Variants in TJP1 observed in about 807,000 individuals in gnomAD.
TJP1 encodes the protein tight junction protein ZO-1.
TJP1 carries 43 observed loss-of-function variants against 194.2 expected under a neutral mutation model. The ratio of observed to expected loss-of-function variants is 0.22; its 90% confidence interval spans 0.17 to 0.29. TJP1 has a LOEUF of 0.29. Ranked by LOEUF, TJP1 falls within the 10% of genes least tolerant of loss-of-function variation. The probability of loss-of-function intolerance (pLI) is 1.00; values close to 1 mark genes in which losing one functional copy is unlikely to be tolerated. For missense variants in TJP1, 1,971 were observed against 2,185.7 expected (o/e 0.90, Z 1.96); for synonymous variants, 801 against 779.0 (o/e 1.03, Z -0.47).
chr15:29,929,411 C>G (rs2054629309), intron 2 of TJP1, among the ~76,000 whole-genome samples: 1 of 152,060 alleles, frequency 6.6e-6, no homozygotes, highest in East Asian at 1.9e-4. Flanking sequence ...AAATGTATGA[C>G]TCGGGCTGAG....
intron 8 of TJP1, among the ~76,000 whole-genome samples, chr15:29,750,821 G>C (rs572946465): frequency 7.2e-5 from 11 of 152,264 alleles, no homozygotes; most frequent in African/African-American, 2.6e-4. Context: ...CATAAGGTAG[G>C]CAAGAACACC....
downstream of TJP1, chr15:29,700,115 A>C: frequency 2.5e-6 from 1 of 396,760 alleles, no homozygotes; most frequent in Non-Finnish European, 4.4e-6. Context: ...AGCTGCATGA[A>C]ACTAGAAAAC....
chr15:29,703,054 AT>A (rs2041654009), intron 27 of TJP1, among the ~76,000 whole-genome samples: 1 of 152,236 alleles, frequency 6.6e-6, no homozygotes, highest in African/African-American at 2.4e-5. Flanking sequence ...CAAATAGTGT[AT>A]AAAAGAAGTA....
intron 2 of TJP1, among the ~76,000 whole-genome samples, chr15:29,855,227 A>G (rs1412872415): frequency 6.6e-6 from 1 of 152,222 alleles, no homozygotes; most frequent in African/African-American, 2.4e-5. Context: ...GAACACTTGA[A>G]CAAGTGGGAC....
At chr15:29,843,091 G>T (rs1006686787) in intron 2 of TJP1, among the ~76,000 whole-genome samples, 5 of 152,022 alleles carry the variant, frequency 3.3e-5, no homozygotes, top group African/African-American at 1.2e-4. Flanking sequence ...GTAACCAAAT[G>T]ATTCTTTATG....
At chr15:29,739,579 G>A (rs1399646868) in intron 10 of TJP1, among the ~76,000 whole-genome samples, 5 of 151,966 alleles carry the variant, frequency 3.3e-5, no homozygotes, top group Non-Finnish European at 7.4e-5. Context: ...GAGTAGCTGG[G>A]ACTACAGGCG....
chr15:29,754,451 A>G (rs1004850967), intron 8 of TJP1, among the ~76,000 whole-genome samples: 2 of 152,180 alleles, frequency 1.3e-5, no homozygotes, highest in African/African-American at 2.4e-5. Context: ...TAGTACGTAC[A>G]AAACACGATG....
At position 29,800,722 on chromosome 15, in the gene TJP1, A is replaced by T. The variant is rs775841120; in HGVS notation, c.28-20T>A. The T allele has an allele frequency of 6.2e-7, 1 of 1,612,224 alleles. No individual in the cohort carries two copies. Among genetic ancestry groups the T allele is most frequent in the South Asian group, 1.1e-5 (1 of 90,938 alleles). The stretch of plus-strand genomic sequence containing the variant: ...TGTGCTCTGATAAAGGAAAAGAAAA[A>T]CAAATCATTTACCTTTTAAGAAAAT... On this transcript the variant is annotated intron_variant, in intron 1 of 27. Transcript: ENST00000614355.
intron 2 of TJP1, among the ~76,000 whole-genome samples, chr15:29,876,900 TATACCTCCTAAGTGC>T (rs1363604902): frequency 2.6e-5 from 4 of 152,322 alleles, no homozygotes; most frequent in African/African-American, 9.6e-5. Flanking sequence ...GTGACACATT[TATACCTCCTAAGTGC>T]ATACAACACA....
intron 2 of TJP1, among the ~76,000 whole-genome samples, chr15:29,925,957 AC>A (rs1162552783): frequency 1.3e-5 from 2 of 152,114 alleles, no homozygotes; most frequent in East Asian, 3.9e-4. Context: ...ATCCCCTCTA[AC>A]CCACAGCCAC....
intron 2 of TJP1, among the ~76,000 whole-genome samples, chr15:29,935,664 T>G (rs1187010530): frequency 6.6e-6 from 1 of 152,064 alleles, no homozygotes; most frequent in East Asian, 1.9e-4. Context: ...TCTTAAATGC[T>G]CACATCTAAT....
At chr15:29,792,482 T>C (rs983586172) in intron 2 of TJP1, among the ~76,000 whole-genome samples, 14 of 152,362 alleles carry the variant, frequency 9.2e-5, no homozygotes, top group African/African-American at 2.9e-4. Context: ...CACCATGCTA[T>C]AGCTCTGGAG....
intron 1 of TJP1, 73 bp downstream of exon 1, chr15:29,821,929 C>A: frequency 1.7e-6 from 2 of 1,180,568 alleles, no homozygotes; most frequent in Non-Finnish European, 2.1e-6. Context: ...GAGGGCGGGA[C>A]GCGGGCCAGA....
chr15:29,941,421 C>T (rs925949867), intron 2 of TJP1, among the ~76,000 whole-genome samples: 2 of 152,184 alleles, frequency 1.3e-5, no homozygotes, highest in African/African-American at 4.8e-5. Flanking sequence ...GCTCCTCACC[C>T]TCCAGTAGAA....
At chr15:29,910,552 T>C (rs185397678) in intron 2 of TJP1, among the ~76,000 whole-genome samples, 2 of 152,374 alleles carry the variant, frequency 1.3e-5, no homozygotes, top group East Asian at 3.9e-4. Flanking sequence ...TGTCAGCGAT[T>C]AATACTATTC....
At chr15:29,760,427 G>A in intron 8 of TJP1, 1 of 580,416 alleles carries the variant, frequency 1.7e-6, no homozygotes, top group South Asian at 2.1e-5. Flanking sequence ...CAAGGCTGGA[G>A]TGCAGTGGTG....
At position 29,808,631 on chromosome 15, in the gene TJP1, T is replaced by C. The variant is rs45613638; in HGVS notation, c.28-7929A>G. ...GATAAGTGCTGGCAGAACTCATTAT[T>C]TTGAGAAACTGGTACGTATAGGGAA... On this transcript the variant is annotated intron_variant, in intron 1 of 27. Coordinates refer to ENST00000614355, the MANE Select transcript of TJP1 (RefSeq NM_001330239.4). Among the ~76,000 whole-genome samples, 1,154 of 152,302 alleles carry C rather than the reference T, an allele frequency of 7.6e-3. 16 individuals are homozygous for C. Among genetic ancestry groups the C allele is most frequent in the African/African-American group, 0.027 (1,111 of 41,556 alleles).
In TJP1 at chr15:29,742,499, A is replaced by G. The variant is rs1224139103; in HGVS notation, c.1150+143T>C. 7.7e-6 allele frequency: 7 copies of G among 903,818 alleles called. No homozygotes were observed. The East Asian group carries it at 2.1e-4, about 27-fold the overall frequency. The allele number at this position is 903,818 out of a possible 1,614,324, so 56.0% of individuals were successfully genotyped here. ...TGATTTGTGCCAACCTGCTACCCAT[A>G]AGGAAAACGCTGGAAGTCATATGCA... On this transcript the variant is annotated intron_variant, in intron 9 of 27. Transcript: ENST00000614355.
At chr15:29,723,940 T>C (rs902576873) in intron 18 of TJP1, among the ~76,000 whole-genome samples, 1 of 152,188 alleles carries the variant, frequency 6.6e-6, no homozygotes, top group African/African-American at 2.4e-5. Context: ...CCGTGCTCAG[T>C]TACTCATGAG....
Sources: gnomAD v4.1 joint callset for allele counts (sites outside exome capture counted in the v4.1 genomes callset) on GRCh38, gnomAD v4.1.1 for gene constraint, MANE v1.5 for transcripts, NCBI Gene and HGNC (gene_info 2026-07-23, HGNC 2026-07-21) for gene names.